The following RAB38 variants were observed in gnomAD, a reference collection of about 807,000 sequenced individuals.
The protein encoded by RAB38 is ras-related protein Rab-38.
RAB38 carries 15 observed loss-of-function variants against 18.4 expected under a neutral mutation model. The observed-to-expected ratio is 0.82, with a 90% confidence interval of 0.55 to 1.26. The LOEUF is 1.26. Ranked by LOEUF, RAB38 falls within the 50% of genes most tolerant of loss-of-function variation. The pLI is 0.00. For synonymous variants in RAB38, 101 were observed against 104.4 expected, an observed-to-expected ratio of 0.97 and a Z score of 0.20; for missense variants, 294 against 267.4, an observed-to-expected ratio of 1.10 and a Z score of -0.69.
intron 2 of RAB38, among the ~76,000 whole-genome samples, chr11:88,116,469 A>G (rs1290754266): frequency 6.6e-6 from 1 of 152,164 alleles, no homozygotes; most frequent in African/African-American, 2.4e-5. Flanking sequence ...ATTACTACAT[A>G]TGTTTACAGA....
the RAB38 span, among the ~76,000 whole-genome samples, chr11:87,866,947 T>G: frequency 6.6e-6 from 1 of 151,634 alleles, no homozygotes; most frequent in East Asian, 2.0e-4. Context: ...TAGGGTAGAG[T>G]TGGATAAATG....
chr11:87,937,311 C>CATATATATATAT, the RAB38 span, among the ~76,000 whole-genome samples: 549 of 82,552 alleles, frequency 6.7e-3, 23 homozygotes, highest in African/African-American at 8.8e-3. Flanking sequence ...ACTTGGTCAT[C>CATATATATATAT]ATATATATAT....
chr11:88,096,723 T>C, the RAB38 span, among the ~76,000 whole-genome samples: 1 of 151,918 alleles, frequency 6.6e-6, no homozygotes. Context: ...GGCCAGTGTG[T>C]TTTTATTAAA....
the RAB38 span, among the ~76,000 whole-genome samples, chr11:87,973,641 G>T: frequency 2.1e-5 from 3 of 142,764 alleles, no homozygotes; most frequent in African/African-American, 7.5e-5. Flanking sequence ...CTGCAGTGTG[G>T]AGGGTACTCA....
the RAB38 span, among the ~76,000 whole-genome samples, chr11:87,806,586 G>A: frequency 6.6e-6 from 1 of 151,878 alleles, no homozygotes; most frequent in Non-Finnish European, 1.5e-5. Flanking sequence ...CCAGAAATTA[G>A]GGAAAAAAAT....
At chr11:87,839,495 A>G in the RAB38 span, among the ~76,000 whole-genome samples, 2 of 152,190 alleles carry the variant, frequency 1.3e-5, no homozygotes, top group Admixed American at 1.3e-4. Flanking sequence ...TTTCAGTGAC[A>G]TAGGATCAAC....
At chr11:87,933,751 TG>T in the RAB38 span, among the ~76,000 whole-genome samples, 1 of 151,674 alleles carries the variant, frequency 6.6e-6, no homozygotes, top group Admixed American at 6.6e-5. Context: ...GATCCACCAA[TG>T]GCAAGACGGG....
At chr11:88,134,709 A>G (rs550303825) in intron 2 of RAB38, among the ~76,000 whole-genome samples, 1 of 152,356 alleles carries the variant, frequency 6.6e-6, no homozygotes, top group Non-Finnish European at 1.5e-5. Context: ...ATTCTTAAAT[A>G]TTGCAATAGC....
At chr11:87,953,674 A>T in the RAB38 span, among the ~76,000 whole-genome samples, 7 of 152,314 alleles carry the variant, frequency 4.6e-5, no homozygotes, top group Non-Finnish European at 7.3e-5. Flanking sequence ...CATGGTCTAC[A>T]TAGGGTTCAG....
the RAB38 span, among the ~76,000 whole-genome samples, chr11:88,033,085 G>A: frequency 6.6e-6 from 1 of 152,080 alleles, no homozygotes. Context: ...TAGGGACATC[G>A]ATGAAATTGG....
At chr11:87,956,195 A>G in the RAB38 span, among the ~76,000 whole-genome samples, 7 of 152,212 alleles carry the variant, frequency 4.6e-5, no homozygotes, top group African/African-American at 1.7e-4. Flanking sequence ...AATATCAACG[A>G]TACAAAGTCA....
chr11:88,149,252 A>G (rs2134826235), intron 2 of RAB38, among the ~76,000 whole-genome samples: 1 of 152,330 alleles, frequency 6.6e-6, no homozygotes, highest in South Asian at 2.1e-4. Flanking sequence ...AGGAAGCACA[A>G]TTCCTGATGT....
the RAB38 span, among the ~76,000 whole-genome samples, chr11:87,904,428 T>G: frequency 6.6e-6 from 1 of 151,862 alleles, no homozygotes; most frequent in East Asian, 1.9e-4. Flanking sequence ...ATTTTGTTAT[T>G]TTTTAATGGC....
the RAB38 span, among the ~76,000 whole-genome samples, chr11:87,854,673 A>G: frequency 2.9e-3 from 439 of 152,308 alleles, 2 homozygotes; most frequent in Non-Finnish European, 5.0e-3. Context: ...AATTAATAAA[A>G]ATGTTTAAAA....
the RAB38 span, among the ~76,000 whole-genome samples, chr11:87,850,340 C>A: frequency 6.6e-6 from 1 of 152,088 alleles, no homozygotes; most frequent in Non-Finnish European, 1.5e-5. Flanking sequence ...CACTTCATAA[C>A]CTTAGAGGTT....
At chr11:87,884,381 C>A in the RAB38 span, among the ~76,000 whole-genome samples, 3 of 151,908 alleles carry the variant, frequency 2.0e-5, no homozygotes, top group African/African-American at 7.2e-5. Flanking sequence ...AAGGAAAGAT[C>A]AACTGTTAGT....
chr11:88,014,426 T>G, the RAB38 span, among the ~76,000 whole-genome samples: 1 of 152,110 alleles, frequency 6.6e-6, no homozygotes, highest in Admixed American at 6.6e-5. Flanking sequence ...CAAGGCTATT[T>G]GGTAGGTATT....
chr11:87,914,539 TA>T, the RAB38 span, among the ~76,000 whole-genome samples: 1 of 152,080 alleles, frequency 6.6e-6, no homozygotes, highest in Non-Finnish European at 1.5e-5. Flanking sequence ...AATTTATAAT[TA>T]AAAGGGAAGC....
chr11:88,138,139 G>A (rs922597044), intron 2 of RAB38, among the ~76,000 whole-genome samples: 3 of 152,260 alleles, frequency 2.0e-5, no homozygotes, highest in South Asian at 4.1e-4. Context: ...GATTACAGCC[G>A]TGTGCTGGCT....
Sources: allele counts gnomAD v4.1 joint callset (sites outside exome capture counted in the v4.1 genomes callset), GRCh38; gene constraint gnomAD v4.1.1; transcripts MANE v1.5; gene names NCBI Gene and HGNC (gene_info 2026-07-23, HGNC 2026-07-21).